The following MYZAP variants were observed in gnomAD, a reference collection of about 807,000 sequenced individuals.
MYZAP encodes the protein GRINL1A complex locus upstream.
A neutral mutation model predicts 69.4 loss-of-function variants in MYZAP; 66 were observed. That is an observed-to-expected ratio of 0.95 (90% CI 0.78 to 1.17). The LOEUF (loss-of-function observed/expected upper bound fraction) is 1.17, where lower values mean the gene tolerates loss of function less well. Ranked by LOEUF, MYZAP falls within the 50% of genes most tolerant of loss-of-function variation. The pLI, the probability that MYZAP is intolerant of heterozygous loss-of-function variation, is 0.00. For synonymous variants in MYZAP, 256 were observed against 205.9 expected (o/e 1.24, Z -2.09); for missense variants, 611 against 556.2 (o/e 1.10, Z -0.99).
chr15:57,610,804 G>A (rs1282426965), intron 2 of MYZAP, among the ~76,000 whole-genome samples: 1 of 152,146 alleles, frequency 6.6e-6, no homozygotes, highest in Non-Finnish European at 1.5e-5. Context: ...ACACGGAGGA[G>A]GAGCTGGGAA....
At position 57,661,442 on chromosome 15, in the gene MYZAP, C is replaced by T. The variant is rs1326684061; in HGVS notation, c.1120-8C>T. On this transcript the variant is annotated splice_region_variant and splice_polypyrimidine_tract_variant and intron_variant, in intron 10 of 12. Transcript: ENST00000267853. ...TTGATTAACAATTTTCCATCCCTTTCTTTCTAGATTGAATCATTAAAGAAA... is the reference window on the plus strand; with the variant it reads ...TTGATTAACAATTTTCCATCCCTTTTTTTCTAGATTGAATCATTAAAGAAA... 2 of 1,601,798 alleles carry T rather than the reference C, an allele frequency of 1.2e-6. No individual in the cohort carries two copies. The highest frequency in any genetic ancestry group is 1.7e-6 in the Non-Finnish European group (2 of 1,173,888).
At chr15:57,594,226 C>T (rs2033910317) in intron 1 of MYZAP, among the ~76,000 whole-genome samples, 1 of 152,218 alleles carries the variant, frequency 6.6e-6, no homozygotes, top group Non-Finnish European at 1.5e-5. Flanking sequence ...AGCAGTCCTC[C>T]TGCCTCAGCC....
intron 10 of MYZAP, among the ~76,000 whole-genome samples, chr15:57,644,392 C>G (rs1468814149): frequency 4.6e-5 from 7 of 152,132 alleles, no homozygotes; most frequent in African/African-American, 9.7e-5. Flanking sequence ...GGGACCTTCA[C>G]TTCTTGCCAG....
intron 5 of MYZAP, among the ~76,000 whole-genome samples, chr15:57,627,404 G>T (rs1173873897): frequency 8.3e-6 from 1 of 119,796 alleles, no homozygotes; most frequent in Non-Finnish European, 1.7e-5. Flanking sequence ...AGGGGGAGGG[G>T]AGGGGAAGGG....
chr15:57,629,102 A>AAAAAAG (rs1265579932), intron 5 of MYZAP, among the ~76,000 whole-genome samples: 1 of 151,612 alleles, frequency 6.6e-6, no homozygotes, highest in Non-Finnish European at 1.5e-5. Context: ...AAAAAAAAAA[A>AAAAAAG]AAAAAGAAAA....
intron 2 of MYZAP, among the ~76,000 whole-genome samples, chr15:57,614,006 C>A (rs187643557): frequency 1.6e-4 from 25 of 151,872 alleles, no homozygotes; most frequent in African/African-American, 6.0e-4. Flanking sequence ...TCTTTTTTTC[C>A]CCGTGTTCAG....
intron 6 of MYZAP, among the ~76,000 whole-genome samples, chr15:57,630,355 G>T (rs902089665): frequency 2.0e-5 from 3 of 152,168 alleles, no homozygotes; most frequent in Non-Finnish European, 2.9e-5. Context: ...CACTCACCAT[G>T]GTGCTGTTGT....
intron 3 of MYZAP, among the ~76,000 whole-genome samples, chr15:57,620,100 C>G (rs1184503948): frequency 6.6e-6 from 1 of 152,162 alleles, no homozygotes; most frequent in Non-Finnish European, 1.5e-5. Flanking sequence ...CAGGGCCACA[C>G]ATGAAAGCCG....
chr15:57,676,657 T>G (rs2039152808), intron 12 of MYZAP, among the ~76,000 whole-genome samples: 1 of 152,108 alleles, frequency 6.6e-6, no homozygotes, highest in Non-Finnish European at 1.5e-5. Flanking sequence ...TAATAAATCT[T>G]GTTTGGCTAA....
intron 12 of MYZAP, among the ~76,000 whole-genome samples, chr15:57,682,327 C>T (rs2039486755): frequency 6.6e-6 from 1 of 152,096 alleles, no homozygotes; most frequent in Non-Finnish European, 1.5e-5. Flanking sequence ...TCACATGGCC[C>T]ACCTAATGGC....
At chr15:57,644,241 C>G (rs1234366316) in intron 10 of MYZAP, among the ~76,000 whole-genome samples, 2 of 152,132 alleles carry the variant, frequency 1.3e-5, no homozygotes, top group Non-Finnish European at 2.9e-5. Flanking sequence ...CTCAGAAGCT[C>G]CTATGCCTGA....
chr15:57,682,816 C>G (rs146955392), intron 12 of MYZAP, among the ~76,000 whole-genome samples: 2,688 of 152,318 alleles, frequency 0.018, 42 homozygotes, highest in South Asian at 0.033. Flanking sequence ...CTGCCTTACA[C>G]ATACTGCCCC....
At position 57,624,852 on chromosome 15, in the gene MYZAP, C is replaced by A. The variant is rs77695345; in HGVS notation, c.412-927C>A. Among the ~76,000 whole-genome samples, 158 of 152,314 alleles carry A rather than the reference C, an allele frequency of 1.0e-3. 1 individual carries two copies. Among genetic ancestry groups the A allele is most frequent in the African/African-American group, 3.8e-3 (157 of 41,566 alleles). The stretch of plus-strand genomic sequence containing the variant: ...GCTTGCTGCTTCAATTCTGTCTCCA[C>A]TCCCCAGAGTGCACCTCCTGCTCTG... On this transcript the variant is annotated intron_variant, in intron 4 of 12. Coordinates refer to ENST00000267853, the MANE Select transcript of MYZAP (RefSeq NM_001018100.5).
chr15:57,629,940 A>G (rs1295861185), intron 6 of MYZAP, 86 bp downstream of exon 6: 1 of 1,417,468 alleles, frequency 7.1e-7, no homozygotes, highest in Non-Finnish European at 9.3e-7. Context: ...CAACCTTTCC[A>G]TTTCCTTTTC....
At chr15:57,677,996 G>A (rs2039224349) in intron 12 of MYZAP, among the ~76,000 whole-genome samples, 1 of 143,642 alleles carries the variant, frequency 7.0e-6, no homozygotes, top group Non-Finnish European at 1.5e-5. Context: ...TTGAAGCTAG[G>A]AGTTCAAGAC....
intron 3 of MYZAP, among the ~76,000 whole-genome samples, chr15:57,619,416 A>G (rs1167470556): frequency 1.3e-5 from 2 of 152,186 alleles, no homozygotes; most frequent in African/African-American, 4.8e-5. Flanking sequence ...GCAGTGGCAC[A>G]ATCACAGCTC....
At chr15:57,645,330 C>CT (rs2037387529) in intron 10 of MYZAP, among the ~76,000 whole-genome samples, 1 of 152,184 alleles carries the variant, frequency 6.6e-6, no homozygotes, top group South Asian at 2.1e-4. Flanking sequence ...AGAGTTGAGA[C>CT]TTTGAGTATC....
chr15:57,619,502 C>G (rs138744575), intron 3 of MYZAP, among the ~76,000 whole-genome samples: 2,247 of 152,248 alleles, frequency 0.015, 30 homozygotes, highest in South Asian at 0.045. Flanking sequence ...CTCAGCTTCC[C>G]AAGCAGCTGG....
intron 7 of MYZAP, 124 bp from the exon 8 acceptor site, chr15:57,633,489 T>A (rs2036627604): frequency 1.5e-6 from 2 of 1,342,874 alleles, no homozygotes; most frequent in Admixed American, 5.5e-5. Context: ...TGTGAGACAC[T>A]TTCAGGTTCC....
Sources: gnomAD v4.1 joint callset for allele counts (sites outside exome capture counted in the v4.1 genomes callset) on GRCh38, gnomAD v4.1.1 for gene constraint, MANE v1.5 for transcripts, NCBI Gene and HGNC (gene_info 2026-07-23, HGNC 2026-07-21) for gene names.